NID2: variants seen among roughly 807,000 people sequenced by gnomAD.
NID2 encodes the protein nidogen 2.
In NID2, 83 loss-of-function variants were observed where a neutral mutation model predicts 145.4. That is an observed-to-expected ratio of 0.57 (90% CI 0.48 to 0.69). The LOEUF (loss-of-function observed/expected upper bound fraction) is 0.69, where lower values mean the gene tolerates loss of function less well. Ranked by LOEUF, NID2 falls within the 30% of genes least tolerant of loss-of-function variation. The probability of loss-of-function intolerance (pLI) is 0.00; values close to 1 mark genes in which losing one functional copy is unlikely to be tolerated. For synonymous variants in NID2, 739 were observed against 701.3 expected (o/e 1.05, Z -0.85); for missense variants, 1,807 against 1,765.7 (o/e 1.02, Z -0.42).
chr14:52,035,936 T>C lies in NID2; in HGVS notation c.2257+2811A>G, dbSNP rs1049850349. 3.3e-5 allele frequency among the ~76,000 whole-genome samples: 5 copies of C among 150,562 alleles called. No individual in the cohort carries two copies. The Admixed American group carries it at 3.3e-4, about 10-fold the overall frequency. Reference sequence around the variant, plus strand: ...GTTGGCCAGGCTGGTCTTGAACTCCTGACCTCAGGTGATCCACCCACCTCA... The same window carrying C: ...GTTGGCCAGGCTGGTCTTGAACTCCCGACCTCAGGTGATCCACCCACCTCA... On this transcript the variant is annotated intron_variant, in intron 9 of 21. Coordinates refer to ENST00000216286, the MANE Select transcript of NID2 (RefSeq NM_007361.4).
intron 9 of NID2, among the ~76,000 whole-genome samples, chr14:52,034,528 T>A (rs1362013557): frequency 3.9e-5 from 6 of 152,250 alleles, no homozygotes; most frequent in African/African-American, 1.4e-4. Flanking sequence ...TCTGGGCACC[T>A]AATGCCTACA....
chr14:52,005,300 T>TG lies in NID2; in HGVS notation c.*185_*186insC, dbSNP rs1468135434. ...CAATAACAACCTTCATTTTTAAAAA[T>TG]ACAGTAGTAAAGATTGAGGTATCAG... On this transcript the variant is annotated 3_prime_UTR_variant, in exon 22 of 22. Coordinates refer to ENST00000216286, the MANE Select transcript of NID2 (RefSeq NM_007361.4). 2.3e-6 allele frequency: 1 copy of TG among 433,432 alleles called. No homozygotes were observed. The highest frequency in any genetic ancestry group is 4.0e-6 in the Non-Finnish European group (1 of 251,230). 26.8% of individuals were successfully genotyped at this position (433,432 alleles called of 1,614,324 possible).
In NID2 at chr14:52,019,193, G is replaced by T; in HGVS notation, c.2896C>A (p.Gln966Lys). 1 of 1,613,996 alleles carries T rather than the reference G, an allele frequency of 6.2e-7. No homozygotes were observed. The highest frequency in any genetic ancestry group is 1.3e-5 in the African/African-American group (1 of 75,044). Residue 966 changes from glutamine (Q) to lysine (K), a missense_variant, in exon 14 of 22, where the codon CAG (glutamine) becomes AAG (lysine). By Grantham distance (53) the Gln-to-Lys change is moderately conservative. Transcript: ENST00000216286. ...CACTGTAGGGGCAGGAAGTTGCCCT[G>T]CTCGTCGCATTGGGGGATGTGGAAC... ...ARFHIPQCDE[Q>K]GNFLPLQCHG...
At chr14:52,008,745 GCTTCGATACAAACTATGGAA>G (rs1269491986) in intron 18 of NID2, 6 of 152,176 alleles carry the variant, frequency 3.9e-5, no homozygotes, top group Non-Finnish European at 8.8e-5. Context: ...GTTAGGAATG[GCTTCGATACAAACTATGGAA>G]CTTGAAGAGA....
At chr14:52,049,609 A>G (rs1462773840) in intron 5 of NID2, among the ~76,000 whole-genome samples, 2 of 152,200 alleles carry the variant, frequency 1.3e-5, no homozygotes, top group African/African-American at 4.8e-5. Context: ...CCGCAGGAAA[A>G]ATTCTTCTAA....
chr14:52,055,848 T>C (rs960542519), intron 3 of NID2, among the ~76,000 whole-genome samples: 1 of 152,182 alleles, frequency 6.6e-6, no homozygotes, highest in African/African-American at 2.4e-5. Context: ...AAGATTTTCC[T>C]TCATTTGGGT....
At position 52,038,957 on chromosome 14, in the gene NID2, T is replaced by C; in HGVS notation, c.2047A>G (p.Arg683Gly). The change falls in exon 9 of 22, where the codon AGA becomes GGA. Residue 683 changes from arginine to glycine, a missense_variant. Transcript: ENST00000216286. ...GCACCAAAAGTCAGAGAGTAGTCTC[T>C]GGAACTTGTAGAGGTCACAGCTGCA... ...SDSTVTSTSS[R>G]DYSLTFGAIN... 2 of 1,613,458 alleles carry C rather than the reference T, an allele frequency of 1.2e-6. No individual in the cohort carries two copies. Among genetic ancestry groups the C allele is most frequent in the African/African-American group, 1.3e-5 (1 of 75,040 alleles).
chr14:52,006,541 T>G lies in NID2; in HGVS notation c.4000A>C (p.Arg1334=). Residue 1334 remains arginine (R), a synonymous_variant, in exon 20 of 22, where the codon AGG becomes CGG. Coordinates refer to ENST00000216286, the MANE Select transcript of NID2 (RefSeq NM_007361.4). The part of the protein sequence containing the change: ...YADHFYHTDW[R]RDGVVSVNKH... ...TCCAGAATTTGTGGGGCTCACCTCC[T>G]CCAGTCTGTGTGGTAGAAGTGATCT... 6.2e-7 allele frequency: 1 copy of G among 1,613,620 alleles called. No individual in the cohort carries two copies. The highest frequency in any genetic ancestry group is 1.3e-5 in the African/African-American group (1 of 75,038).
chr14:52,021,677 TAG>T (rs1891405177), intron 12 of NID2, among the ~76,000 whole-genome samples: 1 of 152,202 alleles, frequency 6.6e-6, no homozygotes, highest in African/African-American at 2.4e-5. Flanking sequence ...ATGCAACCCA[TAG>T]AGTCTCCACC....
chr14:52,014,486 G>A (rs779496621), intron 15 of NID2, 30 bp from the exon 16 acceptor site: 51 of 1,578,664 alleles, frequency 3.2e-5, no homozygotes, highest in Admixed American at 1.3e-4. Context: ...AGAGCAGGAA[G>A]GGGAACAAGG....
chr14:52,042,741 C>T (rs371303435), intron 6 of NID2, 41 bp downstream of exon 6: 58 of 1,599,968 alleles, frequency 3.6e-5, no homozygotes, highest in Non-Finnish European at 4.9e-5. Flanking sequence ...AGGTAAGCAG[C>T]AGGAATAGAC....
intron 12 of NID2, among the ~76,000 whole-genome samples, chr14:52,026,298 C>T (rs540334719): frequency 1.1e-4 from 16 of 152,322 alleles, no homozygotes; most frequent in African/African-American, 3.6e-4. Flanking sequence ...CACATCAGCT[C>T]GGTGGGCCTG....
At chr14:52,047,553 A>G (rs1281266580) in intron 5 of NID2, among the ~76,000 whole-genome samples, 1 of 152,172 alleles carries the variant, frequency 6.6e-6, no homozygotes, top group East Asian at 1.9e-4. Flanking sequence ...TGCTCCGACT[A>G]CAGTAAATCA....
chr14:52,014,554 A>G (rs1566744140), intron 15 of NID2, 98 bp from the exon 16 acceptor site: 1 of 1,268,612 alleles, frequency 7.9e-7, no homozygotes, highest in Non-Finnish European at 1.1e-6. Context: ...CTCCAAAAAT[A>G]TCAAAAGTTC....
intron 5 of NID2, among the ~76,000 whole-genome samples, chr14:52,049,195 TTTTTG>T (rs1309941495): frequency 9.2e-6 from 1 of 109,158 alleles, no homozygotes; most frequent in Non-Finnish European, 2.1e-5. Context: ...TTTAATGTTT[TTTTTG>T]TTTGTTTTTA....
rs899995915 is a variant in NID2 at position 52,060,174 on chromosome 14, T to C, written c.717A>G (p.Gly239=). The C allele has an allele frequency of 6.2e-7, 1 of 1,613,968 alleles. No individual in the cohort carries two copies. Among genetic ancestry groups the C allele is most frequent in the Non-Finnish European group, 8.5e-7 (1 of 1,179,944 alleles). The change falls in exon 3 of 22, where the codon GGA becomes GGG. Residue 239 remains glycine, a synonymous_variant. Coordinates refer to ENST00000216286, the MANE Select transcript of NID2 (RefSeq NM_007361.4). The part of the protein sequence containing the change: ...RGEADDLKSE[G]PYFSLTSTEQ... ...CAGTGCTAGTCAAGCTGAAATATGGTCCTTCTGACTTCAGATCATCAGCCT... is the reference window on the plus strand; with the variant it reads ...CAGTGCTAGTCAAGCTGAAATATGGCCCTTCTGACTTCAGATCATCAGCCT...
At position 52,035,856 on chromosome 14, in the gene NID2, G is replaced by GTATATATATATATATATATATATA. The variant is rs60735637; in HGVS notation, c.2257+2890_2257+2891insTATATATATATATATATATATATA. Among the ~76,000 whole-genome samples the GTATATATATATATATATATATATA allele has an allele frequency of 5.3e-3, 345 of 65,076 alleles. 1 individual carries two copies. Among genetic ancestry groups the GTATATATATATATATATATATATA allele is most frequent in the Admixed American group, 0.01 (73 of 6,988 alleles). 42.7% of individuals were successfully genotyped at this position (65,076 alleles called of 152,430 possible). On this transcript the variant is annotated intron_variant, in intron 9 of 21. Coordinates refer to ENST00000216286, the MANE Select transcript of NID2 (RefSeq NM_007361.4). The stretch of plus-strand genomic sequence containing the variant: ...ACCACACCTGGCTAAATTTTTTTGT[G>GTATATATATATATATATATATATA]TATATATATATATATATATATATGT...
chr14:52,006,631 C>CA lies in NID2; in HGVS notation c.3909dup (p.Asp1304Ter). On this transcript the variant is annotated frameshift_variant, in exon 20 of 22. Transcript: ENST00000216286. LOFTEE classifies it high-confidence loss of function. ...TGAATGACACGCCGTCCAGTTCCAT[C>CA]AGGTAGTGTACACTCCAGTTTTTTG... is the stretch of plus-strand genomic sequence containing the variant. The CA allele has an allele frequency of 6.2e-7, 1 of 1,613,810 alleles. No individual in the cohort carries two copies. Among genetic ancestry groups the CA allele is most frequent in the South Asian group, 1.1e-5 (1 of 91,078 alleles).
chr14:52,010,997 A>G lies in NID2; in HGVS notation c.3601T>C (p.Tyr1201His). 15 of 1,614,164 alleles carry G rather than the reference A, an allele frequency of 9.3e-6. No individual in the cohort carries two copies. Among genetic ancestry groups the G allele is most frequent in the Non-Finnish European group, 1.2e-5 (14 of 1,180,020 alleles). ...LAIDHIRRTM[Y>H]WTDSVLDKIE... ...TTATCCAGGACACTGTCCGTCCAGT[A>G]CATTGTTCTGCGGATGTGGTCTATG... The change falls in exon 18 of 22, where the codon TAC becomes CAC. Residue 1201 changes from tyrosine to histidine, a missense_variant. Physicochemically the swap from Tyr to His is moderately conservative, Grantham distance 83 (BLOSUM62 2). Transcript: ENST00000216286.
Sources: allele counts gnomAD v4.1 joint callset (sites outside exome capture counted in the v4.1 genomes callset), GRCh38; gene constraint gnomAD v4.1.1; transcripts MANE v1.5; gene names NCBI Gene and HGNC (gene_info 2026-07-23, HGNC 2026-07-21).